ASPA: variants seen among roughly 807,000 people sequenced by gnomAD.
ASPA encodes the protein ACY-2.
A neutral mutation model predicts 29.6 loss-of-function variants in ASPA; 25 were observed. That is an observed-to-expected ratio of 0.85 (90% confidence interval 0.62 to 1.18). The LOEUF (loss-of-function observed/expected upper bound fraction) is 1.18, where lower values mean the gene tolerates loss of function less well. ASPA is among the 50% of genes most tolerant of loss of function. The pLI is 0.00. For missense variants in ASPA, 333 were observed against 385.7 expected, an observed-to-expected ratio of 0.86 and a Z score of 1.14; for synonymous variants, 131 against 130.3, an observed-to-expected ratio of 1.01 and a Z score of -0.04.
At chr17:3,484,127 C>T (rs1189354801) in intron 3 of ASPA, among the ~76,000 whole-genome samples, 3 of 152,174 alleles carry the variant, frequency 2.0e-5, no homozygotes, top group African/African-American at 2.4e-5. Flanking sequence ...TAATGCTTGG[C>T]CCTTCTATTT....
At chr17:3,483,724 G>A in intron 3 of ASPA, 132 bp downstream of exon 3, 1 of 839,308 alleles carries the variant, frequency 1.2e-6, no homozygotes, top group Non-Finnish European at 1.9e-6. Context: ...GTCCGATGGT[G>A]TGATCTCAGC....
chr17:3,489,623 A>G (rs2073788080), intron 4 of ASPA, among the ~76,000 whole-genome samples: 1 of 152,350 alleles, frequency 6.6e-6, no homozygotes, highest in African/African-American at 2.4e-5. Context: ...GTTCAACATC[A>G]CTAGTAATTA....
At chr17:3,494,581 G>A in intron 5 of ASPA, 122 bp downstream of exon 5, 1 of 816,712 alleles carries the variant, frequency 1.2e-6, no homozygotes, top group Non-Finnish European at 2.1e-6. Context: ...TAGACACTGA[G>A]TGTAGATAGG....
At chr17:3,497,497 T>A (rs891484804) in intron 5 of ASPA, among the ~76,000 whole-genome samples, 1 of 152,102 alleles carries the variant, frequency 6.6e-6, no homozygotes, top group Non-Finnish European at 1.5e-5. Context: ...CACACAAAAA[T>A]GAGCGAATTT....
intron 3 of ASPA, 102 bp from the exon 4 acceptor site, chr17:3,489,133 A>G: frequency 1.3e-6 from 1 of 791,116 alleles, no homozygotes; most frequent in Non-Finnish European, 2.1e-6. Context: ...CTTTTTAATA[A>G]TTTTAACAAC....
chr17:3,497,690 A>G (rs1417965459), intron 5 of ASPA, among the ~76,000 whole-genome samples: 1 of 152,128 alleles, frequency 6.6e-6, no homozygotes, highest in African/African-American at 2.4e-5. Flanking sequence ...CACTTCCCAA[A>G]CACTAATGTC....
chr17:3,474,785 A>T (rs1385977731), upstream of ASPA, among the ~76,000 whole-genome samples: 2 of 152,208 alleles, frequency 1.3e-5, no homozygotes. Flanking sequence ...ATGGCTGTTT[A>T]TGTGAATTCT....
chr17:3,494,453 T>C lies in ASPA; in HGVS notation c.738T>C (p.Asn246=), dbSNP rs2073877261. 2 of 1,598,620 alleles carry C rather than the reference T, an allele frequency of 1.3e-6. No homozygotes were observed. Among genetic ancestry groups the C allele is most frequent in the Non-Finnish European group, 1.7e-6 (2 of 1,165,916 alleles). Reference sequence around the variant, plus strand: ...AAATTGCTGCTATCATCCATCCTAATCTGCAGGTAACATTTGTTCTTTCTT... The same window carrying C: ...AAATTGCTGCTATCATCCATCCTAACCTGCAGGTAACATTTGTTCTTTCTT... The part of the protein sequence containing the change: ...NGEIAAIIHP[N]LQDQDWKPLH... Residue 246 remains asparagine, a synonymous_variant, in exon 5 of 6, where the codon AAT becomes AAC. Transcript: ENST00000263080.
intron 2 of ASPA, among the ~76,000 whole-genome samples, chr17:3,482,890 T>C (rs1351062135): frequency 6.6e-6 from 1 of 151,148 alleles, no homozygotes; most frequent in Non-Finnish European, 1.5e-5. Context: ...GCCGCACCCA[T>C]TAACTCGTCA....
chr17:3,497,933 T>C (rs2073935319), intron 5 of ASPA, among the ~76,000 whole-genome samples: 1 of 152,162 alleles, frequency 6.6e-6, no homozygotes, highest in African/African-American at 2.4e-5. Flanking sequence ...AGAACTGTTC[T>C]GGGGTTCCCG....
In ASPA at chr17:3,502,841, C is replaced by T. The variant is rs1388427219; in HGVS notation, c.*3753C>T. On this transcript the variant is annotated 3_prime_UTR_variant, in exon 6 of 6. Transcript: ENST00000263080. ...TTGAAAGAATATGCCCACCCTTATTCGCAGGCAAGGTGTGAGGAGGTCTTT... is the reference window on the plus strand; with the variant it reads ...TTGAAAGAATATGCCCACCCTTATTTGCAGGCAAGGTGTGAGGAGGTCTTT... 2 of 152,222 alleles carry T rather than the reference C, an allele frequency of 1.3e-5. No homozygotes were observed. Among genetic ancestry groups the T allele is most frequent in the African/African-American group, 4.8e-5 (2 of 41,442 alleles). 9.4% of individuals were successfully genotyped at this position (152,222 alleles called of 1,614,324 possible).
chr17:3,491,747 A>G (rs74783789), intron 4 of ASPA, among the ~76,000 whole-genome samples: 19,037 of 151,052 alleles, frequency 0.13, 1,416 homozygotes, highest in East Asian at 0.23. Flanking sequence ...GACTGTCTCA[A>G]AAAAAAAAAA....
chr17:3,496,188 C>A (rs1305852228), intron 5 of ASPA, among the ~76,000 whole-genome samples: 1 of 152,132 alleles, frequency 6.6e-6, no homozygotes, highest in African/African-American at 2.4e-5. Context: ...ATTCTGCCAA[C>A]AAATATTTTT....
chr17:3,494,577 CTG>C (rs1042784743), intron 5 of ASPA, 118 bp downstream of exon 5: 4 of 840,796 alleles, frequency 4.8e-6, no homozygotes, highest in Non-Finnish European at 8.0e-6. Flanking sequence ...TCATTAGACA[CTG>C]AGTGTAGATA....
rs1340050265 is a variant in ASPA at position 3,488,129 on chromosome 17, G to T, written c.527-1106G>T. 6.6e-6 allele frequency among the ~76,000 whole-genome samples: 1 copy of T among 152,228 alleles called. No homozygotes were observed. The highest frequency in any genetic ancestry group is 1.5e-5 in the Non-Finnish European group (1 of 68,040). On this transcript the variant is annotated intron_variant, in intron 3 of 5. Coordinates refer to ENST00000263080, the MANE Select transcript of ASPA (RefSeq NM_000049.4). The surrounding 1 kb of genome is among the most constrained non-coding windows in gnomAD (Gnocchi z 6.1). ...TGCAGTATGTTAATGGGATGGAAGA[G>T]AATGAGGGTAGTGCAGTTGGGGTAA...
chr17:3,499,211 G>C lies in ASPA; in HGVS notation c.*123G>C. 1 of 922,778 alleles carries C rather than the reference G, an allele frequency of 1.1e-6. No homozygotes were observed. The highest frequency in any genetic ancestry group is 1.6e-6 in the Non-Finnish European group (1 of 629,708). The allele number at this position is 922,778 out of a possible 1,614,324, so 57.2% of individuals were successfully genotyped here. On this transcript the variant is annotated 3_prime_UTR_variant, in exon 6 of 6. Transcript: ENST00000263080. ...TAGCTCCTAGCACAGTGCCTTATTC[G>C]GTAGGCATCTAAGCACATTTCTTAA... is the stretch of plus-strand genomic sequence containing the variant.
At chr17:3,496,806 C>T (rs1332784225) in intron 5 of ASPA, among the ~76,000 whole-genome samples, 1 of 152,228 alleles carries the variant, frequency 6.6e-6, no homozygotes, top group Non-Finnish European at 1.5e-5. Flanking sequence ...GTGGCTCACG[C>T]CTGTAATCCC....
Position 3,499,248 on chromosome 17 carries a change from T to G in ASPA, c.*160T>G. 1 of 600,590 alleles carries G rather than the reference T, an allele frequency of 1.7e-6. No individual in the cohort carries two copies. The highest frequency in any genetic ancestry group is 2.8e-6 in the Non-Finnish European group (1 of 357,096). The allele number at this position is 600,590 out of a possible 1,614,324, so 37.2% of individuals were successfully genotyped here. ...AGCACATTTCTTAAATTAATTAATA[T>G]ATCTTTAAAGATATCATATTTTATG... On this transcript the variant is annotated 3_prime_UTR_variant, in exon 6 of 6. Transcript: ENST00000263080.
chr17:3,492,794 G>A (rs1264423528), intron 4 of ASPA, among the ~76,000 whole-genome samples: 1 of 152,044 alleles, frequency 6.6e-6, no homozygotes, highest in African/African-American at 2.4e-5. Flanking sequence ...CATCCCATAG[G>A]ATCCAGCCTC....
Sources: gnomAD v4.1 joint callset for allele counts (sites outside exome capture counted in the v4.1 genomes callset) on GRCh38, gnomAD v4.1.1 for gene constraint, Gnocchi (gnomAD v3.1) non-coding constraint, MANE v1.5 for transcripts, NCBI Gene and HGNC (gene_info 2026-07-23, HGNC 2026-07-21) for gene names.